The following FREM1 variants were observed in gnomAD, a reference collection of about 807,000 sequenced individuals.
The protein encoded by FREM1 is FRAS1-related extracellular matrix protein 1.
FREM1 carries 220 observed loss-of-function variants against 210.1 expected under a neutral mutation model. The observed-to-expected ratio is 1.05, with a 90% CI of 0.94 to 1.17. FREM1 has a LOEUF of 1.17. Among genes scored for constraint, FREM1 ranks in the 50% most tolerant of loss-of-function variants. FREM1 has a pLI of 0.00. For missense variants in FREM1, 3,454 were observed against 2,675.5 expected, an observed-to-expected ratio of 1.29 and a Z score of -6.42; for synonymous variants, 1,189 against 980.2, an observed-to-expected ratio of 1.21 and a Z score of -3.98.
chr9:14,839,280 G>C (rs10961751), intron 10 of FREM1, among the ~76,000 whole-genome samples: 9,193 of 152,180 alleles, frequency 0.06, 485 homozygotes, highest in East Asian at 0.26. Flanking sequence ...AAAGGAGTCA[G>C]GGATGACTTC....
chr9:14,881,142 T>C (rs1359477412), intron 1 of FREM1, among the ~76,000 whole-genome samples: 1 of 152,210 alleles, frequency 6.6e-6, no homozygotes, highest in Non-Finnish European at 1.5e-5. Context: ...AATTCTCTTC[T>C]CCTGCCGCCC....
chr9:14,842,291 A>G (rs531007429), intron 9 of FREM1, 25 bp downstream of exon 9: 3 of 1,411,034 alleles, frequency 2.1e-6, no homozygotes, highest in African/African-American at 1.4e-5. Context: ...TTCCATTCAA[A>G]TGATCTTAAC....
intron 20 of FREM1, among the ~76,000 whole-genome samples, chr9:14,798,429 A>C (rs983818618): frequency 3.9e-5 from 6 of 152,078 alleles, no homozygotes; most frequent in Admixed American, 2.6e-4. Flanking sequence ...CGGAAAACAT[A>C]ATGAGACCTT....
chr9:14,886,643 C>T (rs1835868780), intron 1 of FREM1, among the ~76,000 whole-genome samples: 1 of 151,870 alleles, frequency 6.6e-6, no homozygotes, highest in East Asian at 1.9e-4. Flanking sequence ...CTCCTTTAAT[C>T]CCAACATTTT....
intron 27 of FREM1, among the ~76,000 whole-genome samples, chr9:14,765,360 G>C (rs952584693): frequency 2.6e-5 from 4 of 151,800 alleles, no homozygotes; most frequent in African/African-American, 9.7e-5. Flanking sequence ...CCACTGATTA[G>C]TATGTGATTT....
At chr9:14,829,591 C>T (rs190953499) in intron 10 of FREM1, among the ~76,000 whole-genome samples, 107 of 152,294 alleles carry the variant, frequency 7.0e-4, no homozygotes, top group Admixed American at 7.0e-3. Context: ...TTGCTCTCTT[C>T]TCATCCACAT....
intron 10 of FREM1, among the ~76,000 whole-genome samples, chr9:14,829,146 T>A (rs1465830486): frequency 6.6e-6 from 1 of 152,228 alleles, no homozygotes; most frequent in Non-Finnish European, 1.5e-5. Context: ...ACTTTATTAA[T>A]GTTTGCAAAC....
At chr9:14,869,948 C>T (rs989902301) in intron 1 of FREM1, among the ~76,000 whole-genome samples, 1 of 152,224 alleles carries the variant, frequency 6.6e-6, no homozygotes, top group Non-Finnish European at 1.5e-5. Flanking sequence ...ATTACATTCC[C>T]ATGTACTCAA....
intron 24 of FREM1, among the ~76,000 whole-genome samples, chr9:14,781,938 C>G (rs1051330897): frequency 6.6e-6 from 1 of 152,210 alleles, no homozygotes; most frequent in Non-Finnish European, 1.5e-5. Flanking sequence ...CTCCTGACCT[C>G]AGGTGATCCA....
chr9:14,878,632 C>A (rs919543699), intron 1 of FREM1, among the ~76,000 whole-genome samples: 3 of 152,148 alleles, frequency 2.0e-5, no homozygotes, highest in Admixed American at 1.3e-4. Context: ...TGGCAAAAAA[C>A]CACAATTACT....
intron 25 of FREM1, among the ~76,000 whole-genome samples, chr9:14,772,302 G>A (rs1390836748): frequency 6.6e-6 from 1 of 152,060 alleles, no homozygotes; most frequent in Non-Finnish European, 1.5e-5. Flanking sequence ...GGAATGAAAA[G>A]TCCACCAGGG....
chr9:14,748,837 C>T (rs1191209347), intron 30 of FREM1, among the ~76,000 whole-genome samples, 198 bp from the exon 31 acceptor site: 20 of 152,176 alleles, frequency 1.3e-4, no homozygotes, highest in Admixed American at 1.3e-3. Context: ...CTCGTCTGCA[C>T]ATCTATTGAG....
rs879804890 is a variant in FREM1 at position 14,824,992 on chromosome 9, C to T, written c.1882G>A (p.Val628Met). Residue 628 changes from valine to methionine, a missense_variant and splice_region_variant, in exon 11 of 37, where the codon GTG becomes ATG. By Grantham distance (21) the Val-to-Met change is conservative. Transcript: ENST00000380880. The stretch of plus-strand genomic sequence containing the variant: ...ACTGGAGTTATATGGATTGTTGCCA[C>T]CTGGAATAAAAATGTCTGTACCATT... Reference protein sequence around the residue: ...HEPPNLSVPQVATIHITPVDD... With the variant: ...HEPPNLSVPQMATIHITPVDD... 3.8e-6 allele frequency: 6 copies of T among 1,568,420 alleles called. No individual in the cohort carries two copies. The highest frequency in any genetic ancestry group is 4.4e-5 in the Admixed American group (2 of 45,508).
intron 20 of FREM1, among the ~76,000 whole-genome samples, chr9:14,800,136 C>G (rs1316477647): frequency 2.0e-5 from 3 of 152,066 alleles, no homozygotes; most frequent in African/African-American, 7.2e-5. Flanking sequence ...AGCTTACACA[C>G]TAGTTGGGGA....
At position 14,863,516 on chromosome 9, in the gene FREM1, A is replaced by G. The variant is rs575769981; in HGVS notation, c.329+293T>C. Among the ~76,000 whole-genome samples the G allele has an allele frequency of 2.0e-4, 31 of 152,242 alleles. No individual in the cohort carries two copies. The East Asian group carries it at 4.6e-3, about 23-fold the overall frequency. On this transcript the variant is annotated intron_variant, in intron 3 of 36. Coordinates refer to ENST00000380880, the MANE Select transcript of FREM1 (RefSeq NM_001379081.2). ...TAGTTTATAATTTCCATTTTCTACCATAAGTGGTGGGTTGGAACACCAGAG... is the reference window on the plus strand; with the variant it reads ...TAGTTTATAATTTCCATTTTCTACCGTAAGTGGTGGGTTGGAACACCAGAG...
At chr9:14,826,060 A>C (rs1307641926) in intron 10 of FREM1, among the ~76,000 whole-genome samples, 1 of 151,472 alleles carries the variant, frequency 6.6e-6, no homozygotes, top group Non-Finnish European at 1.5e-5. Context: ...ACTCCTTAGC[A>C]TGGCATCCAA....
intron 1 of FREM1, among the ~76,000 whole-genome samples, chr9:14,872,074 T>G (rs1322239394): frequency 2.0e-5 from 3 of 152,288 alleles, no homozygotes; most frequent in Middle Eastern, 3.4e-3. Flanking sequence ...ACTGTAGCCT[T>G]GTTGTATAGT....
At chr9:14,810,294 A>G (rs920446263) in intron 16 of FREM1, among the ~76,000 whole-genome samples, 5 of 152,204 alleles carry the variant, frequency 3.3e-5, no homozygotes, top group Non-Finnish European at 7.3e-5. Context: ...TTTCTCTATA[A>G]TGGAAGCATA....
intron 10 of FREM1, among the ~76,000 whole-genome samples, chr9:14,840,289 C>T (rs761008683): frequency 6.6e-6 from 1 of 152,154 alleles, no homozygotes; most frequent in Non-Finnish European, 1.5e-5. Context: ...ATAATAGGTA[C>T]AAAATGCCTA....
Sources: gnomAD v4.1 joint callset for allele counts (sites outside exome capture counted in the v4.1 genomes callset) on GRCh38, gnomAD v4.1.1 for gene constraint, MANE v1.5 for transcripts, NCBI Gene and HGNC (gene_info 2026-07-23, HGNC 2026-07-21) for gene names.